The following CSMD3 variants were observed in gnomAD, a reference collection of about 807,000 sequenced individuals.
The protein encoded by CSMD3 is CUB and Sushi multiple domains 3, also known as CUB and sushi domain-containing protein 3.
Under a neutral mutation model 435.2 loss-of-function variants are expected in CSMD3, and 177 were observed. The ratio of observed to expected loss-of-function variants is 0.41; its 90% CI spans 0.36 to 0.46. CSMD3 has a LOEUF of 0.46. Among genes scored for constraint, CSMD3 ranks in the 20% least tolerant of loss-of-function variants. The pLI is 0.34. For missense variants in CSMD3, 4,265 were observed against 4,504.6 expected (o/e 0.95, Z 1.52); for synonymous variants, 1,656 against 1,520.5 (o/e 1.09, Z -2.07).
intron 53 of CSMD3, among the ~76,000 whole-genome samples, chr8:112,298,393 A>C (rs1820551886): frequency 6.6e-6 from 1 of 152,170 alleles, no homozygotes; most frequent in Non-Finnish European, 1.5e-5. Flanking sequence ...GCTACTATGT[A>C]ACACATAGGA....
chr8:112,954,672 A>T lies in CSMD3; in HGVS notation c.1420+12T>A, dbSNP rs997794620. ...TGCACTAGAGAAAGTAACAAAAAAG[A>T]AGTACACTCACAGATAGAAAACTTG... On this transcript the variant is annotated intron_variant, in intron 8 of 70. Transcript: ENST00000297405. 1.9e-6 allele frequency: 3 copies of T among 1,550,978 alleles called. No homozygotes were observed. Among genetic ancestry groups the T allele is most frequent in the Non-Finnish European group, 2.7e-6 (3 of 1,124,160 alleles).
At chr8:113,119,290 A>T (rs1187545637) in intron 4 of CSMD3, among the ~76,000 whole-genome samples, 1 of 152,212 alleles carries the variant, frequency 6.6e-6, no homozygotes, top group Non-Finnish European at 1.5e-5. Context: ...GAGCCTTTAA[A>T]ATAGATCATC....
intron 4 of CSMD3, among the ~76,000 whole-genome samples, chr8:113,112,681 T>C (rs1488937990): frequency 6.6e-6 from 1 of 151,880 alleles, no homozygotes; most frequent in Non-Finnish European, 1.5e-5. Flanking sequence ...AGTTCTCATG[T>C]CCAAATGTCA....
At chr8:112,756,296 C>A (rs761681672) in intron 13 of CSMD3, among the ~76,000 whole-genome samples, 6 of 152,122 alleles carry the variant, frequency 3.9e-5, no homozygotes, top group Non-Finnish European at 8.8e-5. Flanking sequence ...GGTGCTTGGA[C>A]CAACTGCAGG....
At chr8:113,070,394 T>A (rs1001188871) in intron 5 of CSMD3, among the ~76,000 whole-genome samples, 3 of 152,020 alleles carry the variant, frequency 2.0e-5, no homozygotes, top group African/African-American at 7.2e-5. Context: ...ATCAATAGTG[T>A]CTGCCATAAT....
At chr8:112,746,198 T>A (rs2077421828) in intron 13 of CSMD3, among the ~76,000 whole-genome samples, 1 of 152,234 alleles carries the variant, frequency 6.6e-6, no homozygotes. Flanking sequence ...TTTTTTTCTG[T>A]TGACAAGTAA....
chr8:112,864,692 C>T (rs2080926502), intron 10 of CSMD3, among the ~76,000 whole-genome samples: 1 of 151,802 alleles, frequency 6.6e-6, no homozygotes, highest in Admixed American at 6.6e-5. Context: ...AAGGTAACTA[C>T]TAAAAAAACA....
intron 32 of CSMD3, among the ~76,000 whole-genome samples, chr8:112,451,091 AT>A (rs1300288590): frequency 1.3e-5 from 2 of 152,320 alleles, no homozygotes; most frequent in African/African-American, 2.4e-5. Context: ...ATGATGAAAA[AT>A]ATTTGATAGC....
chr8:112,830,500 A>G (rs1191980553), intron 11 of CSMD3, among the ~76,000 whole-genome samples: 1 of 152,136 alleles, frequency 6.6e-6, no homozygotes, highest in Non-Finnish European at 1.5e-5. Context: ...TGCAATTTTA[A>G]AAATAGCTAT....
chr8:112,662,568 C>T (rs1186535825), intron 17 of CSMD3, among the ~76,000 whole-genome samples: 1 of 152,088 alleles, frequency 6.6e-6, no homozygotes, highest in Non-Finnish European at 1.5e-5. Context: ...ACCATAAAAA[C>T]CCTAGAAGAA....
chr8:112,999,411 C>A (rs1329061982), intron 6 of CSMD3, among the ~76,000 whole-genome samples: 1 of 151,612 alleles, frequency 6.6e-6, no homozygotes, highest in Non-Finnish European at 1.5e-5. Flanking sequence ...TGAGGACCAG[C>A]AAGGATGCCA....
Position 112,254,290 on chromosome 8 carries a change from G to A in CSMD3, c.10073C>T (p.Pro3358Leu), listed in dbSNP as rs1414552663. 6.2e-7 allele frequency: 1 copy of A among 1,612,714 alleles called. No homozygotes were observed. The highest frequency in any genetic ancestry group is 8.5e-7 in the Non-Finnish European group (1 of 1,178,968). The change falls in exon 63 of 71, where the codon CCT becomes CTT. Residue 3358 changes from proline to leucine, a missense_variant. Coordinates refer to ENST00000297405, the MANE Select transcript of CSMD3 (RefSeq NM_198123.2). ...TGTATTGTTCTGAGATCCATGCCGA[G>A]GCACACCTGGGTTTTCACAAGAGGT... The part of the protein sequence containing the change: ...TQTSCENPGV[P>L]RHGSQNNTFG...
chr8:113,197,047 A>T (rs2092664786), intron 3 of CSMD3, among the ~76,000 whole-genome samples: 1 of 151,234 alleles, frequency 6.6e-6, no homozygotes, highest in African/African-American at 2.4e-5. Flanking sequence ...AGAGTACAGG[A>T]CATAAAAAGT....
At chr8:112,940,871 A>G (rs2083431368) in intron 9 of CSMD3, among the ~76,000 whole-genome samples, 1 of 151,894 alleles carries the variant, frequency 6.6e-6, no homozygotes, top group Non-Finnish European at 1.5e-5. Flanking sequence ...CAGTCATGTG[A>G]TTAGAAAATT....
At chr8:112,716,725 G>T (rs2076737549) in intron 13 of CSMD3, among the ~76,000 whole-genome samples, 1 of 152,072 alleles carries the variant, frequency 6.6e-6, no homozygotes, top group Admixed American at 6.6e-5. Context: ...TACCAAAACA[G>T]AAATATAGAC....
At chr8:113,176,262 T>C (rs2092345176) in intron 3 of CSMD3, among the ~76,000 whole-genome samples, 2 of 152,272 alleles carry the variant, frequency 1.3e-5, no homozygotes, top group South Asian at 4.1e-4. Flanking sequence ...TATCTACCCA[T>C]CATCCTCTGT....
chr8:112,802,314 C>T (rs566852781), intron 12 of CSMD3, among the ~76,000 whole-genome samples: 1 of 152,038 alleles, frequency 6.6e-6, no homozygotes, highest in South Asian at 2.1e-4. Context: ...CTTGGAGCCA[C>T]CTCTTTAAAC....
At position 112,788,639 on chromosome 8, in the gene CSMD3, T is replaced by C. The variant is rs555769052; in HGVS notation, c.1972+11523A>G. The stretch of plus-strand genomic sequence containing the variant: ...CTGAAAATAATGACTAAGTCTTTTA[T>C]ATTTTACAATGTACCCTATCCCCTT... On this transcript the variant is annotated intron_variant, in intron 13 of 70. Transcript: ENST00000297405. Among the ~76,000 whole-genome samples, 126 of 152,302 alleles carry C rather than the reference T, an allele frequency of 8.3e-4. 1 individual carries two copies. Among genetic ancestry groups the C allele is most frequent in the Non-Finnish European group, 1.4e-3 (95 of 68,026 alleles).
rs2075092502 is a variant in CSMD3, at chr8:112,650,320, C to A, written c.3034G>T (p.Asp1012Tyr). The part of the protein sequence containing the change: ...SVTVNTYSCL[D>Y]PGIPVHGRRY... Reference sequence around the variant, plus strand: ...CGGCCATGTACAGGTATGCCAGGGTCCAAACAAGAATACGTGTTCACTGTA... The same window carrying A: ...CGGCCATGTACAGGTATGCCAGGGTACAAACAAGAATACGTGTTCACTGTA... The change falls in exon 19 of 71, where the codon GAC becomes TAC. Residue 1012 changes from aspartate (D) to tyrosine (Y), a missense_variant. By Grantham distance (160) the Asp-to-Tyr change is radical (BLOSUM62 -3). Coordinates refer to ENST00000297405, the MANE Select transcript of CSMD3 (RefSeq NM_198123.2). 6.2e-7 allele frequency: 1 copy of A among 1,613,448 alleles called. No homozygotes were observed. The highest frequency in any genetic ancestry group is 1.3e-5 in the African/African-American group (1 of 74,780).
Sources: allele counts gnomAD v4.1 joint callset (sites outside exome capture counted in the v4.1 genomes callset), GRCh38; gene constraint gnomAD v4.1.1; transcripts MANE v1.5; gene names NCBI Gene and HGNC (gene_info 2026-07-23, HGNC 2026-07-21).